Variants in WDR5 observed in about 807,000 individuals in gnomAD.
WDR5 encodes WD repeat-containing protein 5.
For missense variants in WDR5, 187 were observed against 416.9 expected (o/e 0.45, Z 4.80); for synonymous variants, 144 against 161.6 (o/e 0.89, Z 0.83).
At chr9:134,151,407 G>C (rs970953523) in intron 8 of WDR5, among the ~76,000 whole-genome samples, 18 of 152,192 alleles carry the variant, frequency 1.2e-4, no homozygotes, top group African/African-American at 4.3e-4. Context: ...CCCGCTGCTG[G>C]CATCTGTGCA....
intron 8 of WDR5, among the ~76,000 whole-genome samples, chr9:134,148,923 C>T (rs920176532): frequency 2.0e-5 from 3 of 152,082 alleles, no homozygotes; most frequent in African/African-American, 4.8e-5. Context: ...GTTAACTCAG[C>T]GAAATGTCTG....
chr9:134,147,439 G>C (rs574592083), intron 7 of WDR5, among the ~76,000 whole-genome samples: 1 of 152,320 alleles, frequency 6.6e-6, no homozygotes, highest in African/African-American at 2.4e-5. Flanking sequence ...AATGTCTGGA[G>C]ACATTTTTGG....
chr9:134,152,661 T>A (rs1231029122), intron 9 of WDR5, among the ~76,000 whole-genome samples: 1 of 152,180 alleles, frequency 6.6e-6, no homozygotes, highest in African/African-American at 2.4e-5. Flanking sequence ...GGGCGCACCT[T>A]GAGGAGGGAG....
chr9:134,157,484 GA>G lies in WDR5; in HGVS notation c.905-408del, dbSNP rs1322215121. Among the ~76,000 whole-genome samples the G allele has an allele frequency of 1.3e-5, 2 of 152,130 alleles. No individual in the cohort carries two copies. The highest frequency in any genetic ancestry group is 2.9e-5 in the Non-Finnish European group (2 of 68,026). On this transcript the variant is annotated intron_variant, in intron 13 of 13. Transcript: ENST00000358625. The surrounding 1 kb of genome is among the most constrained non-coding windows in gnomAD (Gnocchi z 5.0). ...TGGGCGGCTCAGGGTCCGAGGAGAA[GA>G]GGGACATTGTCGATAAAGGACTGAG...
chr9:134,142,239 C>A, intron 5 of WDR5, 94 bp from the exon 6 acceptor site: 1 of 1,388,814 alleles, frequency 7.2e-7, no homozygotes, highest in Non-Finnish European at 1.0e-6. Context: ...GGGCATCAGG[C>A]ATGCTTTGGG....
At chr9:134,155,901 C>A in intron 12 of WDR5, 134 bp downstream of exon 12, 1 of 827,674 alleles carries the variant, frequency 1.2e-6, no homozygotes, top group Non-Finnish European at 1.9e-6. Flanking sequence ...TCAACCAAAG[C>A]GCACTGCGCC....
chr9:134,156,941 C>T (rs531357910), intron 13 of WDR5, among the ~76,000 whole-genome samples: 1 of 152,320 alleles, frequency 6.6e-6, no homozygotes, highest in East Asian at 1.9e-4. Flanking sequence ...GTCATCGCTG[C>T]CCCATCCTGG....
In WDR5 at chr9:134,159,096, C is replaced by G. The variant is rs1408224083; in HGVS notation, c.*1103C>G. ...TCGCCGTCCCTGCTGGAGCCCTCGC[C>G]TGCCTGCCCCTCTGCCTGTGCTCCT... On this transcript the variant is annotated 3_prime_UTR_variant, in exon 14 of 14. Coordinates refer to ENST00000358625, the MANE Select transcript of WDR5 (RefSeq NM_017588.3). This position sits in a 1 kb window ranked among gnomAD's most constrained non-coding sequence, Gnocchi z 4.3. 7.3e-6 allele frequency: 1 copy of G among 137,878 alleles called. No individual in the cohort carries two copies. Among genetic ancestry groups the G allele is most frequent in the Non-Finnish European group, 1.5e-5 (1 of 66,638 alleles). The allele number at this position is 137,878 out of a possible 1,614,324, so 8.5% of individuals were successfully genotyped here.
chr9:134,153,432 C>T (rs1212893548), intron 9 of WDR5, among the ~76,000 whole-genome samples: 1 of 152,246 alleles, frequency 6.6e-6, no homozygotes, highest in Non-Finnish European at 1.5e-5. Flanking sequence ...CTGATGCGTT[C>T]ATCTCTGTGA....
chr9:134,140,936 C>G (rs545220981), intron 3 of WDR5, 125 bp downstream of exon 3: 2 of 860,672 alleles, frequency 2.3e-6, no homozygotes, highest in Non-Finnish European at 3.8e-6. Context: ...CTGGGGGGCA[C>G]GTAGCAGGCG....
chr9:134,137,047 G>A (rs929516753), intron 1 of WDR5, among the ~76,000 whole-genome samples: 2 of 152,196 alleles, frequency 1.3e-5, no homozygotes, highest in African/African-American at 4.8e-5. Flanking sequence ...TGGTGTTTAA[G>A]ATGCAGATTA....
At chr9:134,145,345 C>T (rs976105933) in intron 7 of WDR5, among the ~76,000 whole-genome samples, 3 of 152,128 alleles carry the variant, frequency 2.0e-5, no homozygotes, top group Non-Finnish European at 2.9e-5. Context: ...GTGATCCGCC[C>T]GCCTGGTCCT....
intron 7 of WDR5, among the ~76,000 whole-genome samples, chr9:134,143,257 G>T (rs1006016554): frequency 6.6e-6 from 1 of 152,212 alleles, no homozygotes; most frequent in Non-Finnish European, 1.5e-5. Flanking sequence ...AAACGGCCGA[G>T]AGGCCGGGCG....
intron 12 of WDR5, among the ~76,000 whole-genome samples, chr9:134,156,300 G>T (rs1450968135): frequency 1.3e-5 from 2 of 152,236 alleles, no homozygotes; most frequent in African/African-American, 4.8e-5. Context: ...CCGGTGCTGG[G>T]ATAGAGCAGG....
intron 7 of WDR5, among the ~76,000 whole-genome samples, chr9:134,146,047 C>T (rs1377883904): frequency 1.3e-5 from 2 of 151,622 alleles, no homozygotes; most frequent in African/African-American, 2.4e-5. Context: ...TCACTGCAAG[C>T]TCCACCTCCC....
In WDR5 at chr9:134,139,944, G is replaced by A. The variant is rs748735881; in HGVS notation, c.67G>A (p.Ala23Thr). 1.1e-5 allele frequency: 18 copies of A among 1,613,536 alleles called. No individual in the cohort carries two copies. The highest frequency in any genetic ancestry group is 2.2e-5 in the East Asian group (1 of 44,894). Residue 23 changes from alanine to threonine, a missense_variant, in exon 2 of 14, where the codon GCC becomes ACC. Physicochemically the swap from Ala to Thr is moderately conservative, Grantham distance 58 (BLOSUM62 0). Transcript: ENST00000358625. ...ARAQPTPSSS[A>T]TQSKPTPVKP... ...AGCACAGCCAACCCCTTCGTCATCCGCCACTCAGAGCAAGGTGCGTGCCCA... is the reference window on the plus strand; with the variant it reads ...AGCACAGCCAACCCCTTCGTCATCCACCACTCAGAGCAAGGTGCGTGCCCA...
At chr9:134,153,801 C>T (rs1422238562) in intron 9 of WDR5, among the ~76,000 whole-genome samples, 1 of 152,174 alleles carries the variant, frequency 6.6e-6, no homozygotes, top group Non-Finnish European at 1.5e-5. Flanking sequence ...GACACACCTT[C>T]CTTGAGATTC....
At chr9:134,142,783 C>T (rs1447062214) in intron 7 of WDR5, 64 bp downstream of exon 7, 13 of 1,531,662 alleles carry the variant, frequency 8.5e-6, no homozygotes, top group Non-Finnish European at 1.1e-5. Flanking sequence ...TCGGATGTGG[C>T]CAGCTGTCTC....
At chr9:134,154,193 C>T (rs1832636363) in intron 9 of WDR5, among the ~76,000 whole-genome samples, 2 of 152,208 alleles carry the variant, frequency 1.3e-5, no homozygotes, top group Admixed American at 1.3e-4. Context: ...CTGAGAGTGC[C>T]CATGGCCTGG....
Sources: gnomAD v4.1 joint callset for allele counts (sites outside exome capture counted in the v4.1 genomes callset) on GRCh38, gnomAD v4.1.1 for gene constraint, Gnocchi (gnomAD v3.1) non-coding constraint, MANE v1.5 for transcripts, NCBI Gene and HGNC (gene_info 2026-07-23, HGNC 2026-07-21) for gene names.